Variants in NEMP2 observed in about 807,000 individuals in gnomAD.
The protein encoded by NEMP2 is UPF0571 transmembrane protein.
NEMP2 carries 53 observed loss-of-function variants against 54.2 expected under a neutral mutation model. The ratio of observed to expected loss-of-function variants is 0.98; its 90% CI spans 0.78 to 1.23. NEMP2 has a LOEUF of 1.23. Among genes scored for constraint, NEMP2 ranks in the 50% most tolerant of loss-of-function variants. The probability of loss-of-function intolerance (pLI) is 0.00; values close to 1 mark genes in which losing one functional copy is unlikely to be tolerated. For synonymous variants in NEMP2, 197 were observed against 190.3 expected (o/e 1.04, Z -0.29); for missense variants, 455 against 511.3 (o/e 0.89, Z 1.06).
chr2:190,424,835 A>C, the NEMP2 span, among the ~76,000 whole-genome samples: 17 of 152,314 alleles, frequency 1.1e-4, no homozygotes, highest in African/African-American at 4.1e-4. The surrounding 1 kb of genome is among the most constrained non-coding windows in gnomAD (Gnocchi z 5.9). Context: ...CTTAATGCAC[A>C]GCTATATGAT....
At chr2:190,617,090 C>T in the NEMP2 span, 1 of 151,114 alleles carries the variant, frequency 6.6e-6, no homozygotes, top group East Asian at 1.9e-4. This position sits in a 1 kb window ranked among gnomAD's most constrained non-coding sequence, Gnocchi z 5.0. Flanking sequence ...CGCGCCACCG[C>T]ACTCCAGCCT....
At chr2:190,589,750 C>T in the NEMP2 span, among the ~76,000 whole-genome samples, 1 of 152,192 alleles carries the variant, frequency 6.6e-6, no homozygotes, top group Non-Finnish European at 1.5e-5. This position sits in a 1 kb window ranked among gnomAD's most constrained non-coding sequence, Gnocchi z 4.3. Flanking sequence ...GTTCTCATGG[C>T]TCTGGCCAAT....
chr2:190,489,675 CCTTTG>C, the NEMP2 span: 535 of 1,191,218 alleles, frequency 4.5e-4, no homozygotes, highest in Non-Finnish European at 5.9e-4. The surrounding 1 kb of genome is among the most constrained non-coding windows in gnomAD (Gnocchi z 6.6). Context: ...AGCTGTGCTT[CCTTTG>C]CTTTGATCTT....
At chr2:190,526,707 A>G (rs1318504007) in intron 1 of NEMP2, among the ~76,000 whole-genome samples, 1 of 152,178 alleles carries the variant, frequency 6.6e-6, no homozygotes, top group East Asian at 1.9e-4. Flanking sequence ...GAAATACTAG[A>G]AAAAAAGCAA....
the NEMP2 span, chr2:190,489,827 G>A: frequency 3.1e-6 from 5 of 1,614,174 alleles, no homozygotes; most frequent in Non-Finnish European, 4.2e-6. The surrounding 1 kb of genome is among the most constrained non-coding windows in gnomAD (Gnocchi z 6.6). Flanking sequence ...ACTGCTCTTT[G>A]CCCTGATCCA....
chr2:190,459,952 G>A, the NEMP2 span, among the ~76,000 whole-genome samples: 1 of 152,310 alleles, frequency 6.6e-6, no homozygotes, highest in African/African-American at 2.4e-5. The surrounding 1 kb of genome is among the most constrained non-coding windows in gnomAD (Gnocchi z 5.3). Context: ...TACAAGGATG[G>A]GTCAGTGGCC....
the NEMP2 span, among the ~76,000 whole-genome samples, chr2:190,645,017 G>C: frequency 7.9e-4 from 120 of 152,230 alleles, no homozygotes; most frequent in African/African-American, 2.6e-3. Flanking sequence ...TTAAAATTAT[G>C]AACACGCCTG....
the NEMP2 span, among the ~76,000 whole-genome samples, chr2:190,611,908 A>T: frequency 6.6e-6 from 1 of 152,200 alleles, no homozygotes; most frequent in African/African-American, 2.4e-5. This position sits in a 1 kb window ranked among gnomAD's most constrained non-coding sequence, Gnocchi z 5.4. Flanking sequence ...AGAAATGCAG[A>T]TAAGGTCCGA....
the NEMP2 span, among the ~76,000 whole-genome samples, chr2:190,471,392 T>C: frequency 6.6e-6 from 1 of 152,306 alleles, no homozygotes; most frequent in Admixed American, 6.5e-5. The surrounding 1 kb of genome is among the most constrained non-coding windows in gnomAD (Gnocchi z 4.7). Context: ...ACTCCCACCC[T>C]AATACTGTGC....
At chr2:190,465,395 T>C in the NEMP2 span, among the ~76,000 whole-genome samples, 2 of 152,082 alleles carry the variant, frequency 1.3e-5, no homozygotes, top group Non-Finnish European at 2.9e-5. The surrounding 1 kb of genome is among the most constrained non-coding windows in gnomAD (Gnocchi z 4.6). Context: ...ATTATAGGTG[T>C]TCAGTAGGTA....
the NEMP2 span, among the ~76,000 whole-genome samples, chr2:190,488,060 G>A: frequency 3.3e-5 from 5 of 152,012 alleles, no homozygotes; most frequent in East Asian, 3.9e-4. This position sits in a 1 kb window ranked among gnomAD's most constrained non-coding sequence, Gnocchi z 6.4. Flanking sequence ...GCACCACCAC[G>A]CCAGGCTAAT....
chr2:190,550,973 T>C, the NEMP2 span, among the ~76,000 whole-genome samples: 4 of 152,194 alleles, frequency 2.6e-5, no homozygotes, highest in Non-Finnish European at 5.9e-5. This position sits in a 1 kb window ranked among gnomAD's most constrained non-coding sequence, Gnocchi z 4.7. Flanking sequence ...CTCTTTAGTA[T>C]GTTATTCTGT....
the NEMP2 span, among the ~76,000 whole-genome samples, chr2:190,434,215 T>G: frequency 2.0e-5 from 3 of 149,026 alleles, no homozygotes; most frequent in Non-Finnish European, 3.0e-5. This position sits in a 1 kb window ranked among gnomAD's most constrained non-coding sequence, Gnocchi z 4.3. Flanking sequence ...GAAAAGAAGG[T>G]GAAAGGAATT....
the NEMP2 span, among the ~76,000 whole-genome samples, chr2:190,485,801 G>GT: frequency 7.7e-6 from 1 of 130,090 alleles, no homozygotes. The surrounding 1 kb of genome is among the most constrained non-coding windows in gnomAD (Gnocchi z 5.1). Flanking sequence ...CATCTTACTA[G>GT]TTAAAAAAAA....
the NEMP2 span, among the ~76,000 whole-genome samples, chr2:190,558,544 T>C: frequency 4.6e-4 from 70 of 152,372 alleles, no homozygotes; most frequent in African/African-American, 1.4e-3. This position sits in a 1 kb window ranked among gnomAD's most constrained non-coding sequence, Gnocchi z 4.4. Flanking sequence ...AAGAATATTT[T>C]GCACTACTTG....
At chr2:190,610,338 A>C in the NEMP2 span, 10 of 152,206 alleles carry the variant, frequency 6.6e-5, no homozygotes, top group African/African-American at 2.4e-4. The surrounding 1 kb of genome is among the most constrained non-coding windows in gnomAD (Gnocchi z 5.4). Flanking sequence ...TTTTAAAGCC[A>C]AGCCCAGCCA....
Position 190,512,900 on chromosome 2 carries a change from G to C in NEMP2, c.953+1553C>G, listed in dbSNP as rs1281804478. Among the ~76,000 whole-genome samples, 1 of 152,200 alleles carries C rather than the reference G, an allele frequency of 6.6e-6. No individual in the cohort carries two copies. Among genetic ancestry groups the C allele is most frequent in the Non-Finnish European group, 1.5e-5 (1 of 68,028 alleles). ...CTGTCAATGGTGCAATTTTAACCCT[G>C]TGATATTGCCACACACACACACAGT... On this transcript the variant is annotated intron_variant, in intron 7 of 8. Coordinates refer to ENST00000409150, the MANE Select transcript of NEMP2 (RefSeq NM_001142645.2). The surrounding 1 kb of genome is among the most constrained non-coding windows in gnomAD (Gnocchi z 4.5).
the NEMP2 span, among the ~76,000 whole-genome samples, chr2:190,584,253 A>T: frequency 6.6e-6 from 1 of 152,194 alleles, no homozygotes; most frequent in African/African-American, 2.4e-5. The surrounding 1 kb of genome is among the most constrained non-coding windows in gnomAD (Gnocchi z 4.2). Flanking sequence ...CTGCAATCAC[A>T]TTCACAATAG....
chr2:190,564,041 A>G, the NEMP2 span, among the ~76,000 whole-genome samples: 1 of 152,262 alleles, frequency 6.6e-6, no homozygotes, highest in Non-Finnish European at 1.5e-5. The surrounding 1 kb of genome is among the most constrained non-coding windows in gnomAD (Gnocchi z 4.2). Flanking sequence ...TATTTAGAGT[A>G]TGAAGAATTA....
Sources: gnomAD v4.1 joint callset for allele counts (sites outside exome capture counted in the v4.1 genomes callset) on GRCh38, gnomAD v4.1.1 for gene constraint, Gnocchi (gnomAD v3.1) non-coding constraint, MANE v1.5 for transcripts, NCBI Gene and HGNC (gene_info 2026-07-23, HGNC 2026-07-21) for gene names.